DNAI4: variants seen among roughly 807,000 people sequenced by gnomAD.
DNAI4 encodes the protein WD repeat domain 78.
Under a neutral mutation model 105.8 loss-of-function variants are expected in DNAI4, and 85 were observed. The observed-to-expected ratio is 0.80, with a 90% CI of 0.67 to 0.96. DNAI4 has a LOEUF of 0.96. Ranked by LOEUF, DNAI4 falls within the 40% of genes least tolerant of loss-of-function variation. The probability of loss-of-function intolerance (pLI) is 0.00; values close to 1 mark genes in which losing one functional copy is unlikely to be tolerated. For synonymous variants in DNAI4, 352 were observed against 331.5 expected (o/e 1.06, Z -0.67); for missense variants, 1,014 against 1,005.6 (o/e 1.01, Z -0.11).
chr1:66,913,940 C>T (rs1649864399), intron 1 of DNAI4, among the ~76,000 whole-genome samples: 1 of 149,672 alleles, frequency 6.7e-6, no homozygotes, highest in African/African-American at 2.5e-5. Flanking sequence ...GCCTAGGTCG[C>T]GCCACTGCAC....
intron 4 of DNAI4, among the ~76,000 whole-genome samples, chr1:66,888,480 G>A (rs892337458): frequency 4.9e-4 from 74 of 152,272 alleles, no homozygotes; most frequent in African/African-American, 1.7e-3. Context: ...AGATCACGAG[G>A]TCAGCAGTTC....
At chr1:66,872,651 A>T (rs915668374) in intron 5 of DNAI4, among the ~76,000 whole-genome samples, 1 of 152,088 alleles carries the variant, frequency 6.6e-6, no homozygotes, top group Non-Finnish European at 1.5e-5. Context: ...ACGTGTTTTT[A>T]AAAAATATTT....
intron 16 of DNAI4, among the ~76,000 whole-genome samples, chr1:66,816,201 T>C (rs985114421): frequency 2.5e-4 from 38 of 152,006 alleles, no homozygotes; most frequent in African/African-American, 8.9e-4. Flanking sequence ...AAGTAGCAAT[T>C]AGAAAAAGTG....
intron 16 of DNAI4, among the ~76,000 whole-genome samples, chr1:66,814,799 C>T (rs1479512060): frequency 6.6e-6 from 1 of 152,156 alleles, no homozygotes; most frequent in Non-Finnish European, 1.5e-5. Flanking sequence ...GTTAAACTTA[C>T]TGATATCTTA....
At chr1:66,863,761 A>G (rs166562) in intron 6 of DNAI4, among the ~76,000 whole-genome samples, 2,975 of 152,200 alleles carry the variant, frequency 0.02, 71 homozygotes, top group African/African-American at 0.067. Flanking sequence ...CCTGGCCTCA[A>G]TGGTAAGAAT....
chr1:66,847,720 G>T, intron 7 of DNAI4, 42 bp from the exon 8 acceptor site: 1 of 1,413,150 alleles, frequency 7.1e-7, no homozygotes. Context: ...ATATTCAAAT[G>T]GATGGTTCAT....
chr1:66,865,350 G>C (rs547949930), intron 6 of DNAI4, among the ~76,000 whole-genome samples: 1 of 152,236 alleles, frequency 6.6e-6, no homozygotes, highest in South Asian at 2.1e-4. Flanking sequence ...CTTGAACCTG[G>C]GAGGCAGAGG....
chr1:66,885,590 A>G (rs1647177187), intron 4 of DNAI4, among the ~76,000 whole-genome samples: 1 of 152,106 alleles, frequency 6.6e-6, no homozygotes, highest in African/African-American at 2.4e-5. Context: ...GTGATGACTC[A>G]TGCCTATAAT....
rs939045332 is a variant in DNAI4 at position 66,904,922 on chromosome 1, A to G, written c.345+279T>C. On this transcript the variant is annotated intron_variant, in intron 2 of 16. Coordinates refer to ENST00000371026, the MANE Select transcript of DNAI4 (RefSeq NM_024763.5). ...TATATTGCTGACAACAGTGAAAGAT[A>G]GTTGTAATGTATATAATTAATACCA... 91 of 370,644 alleles carry G rather than the reference A, an allele frequency of 2.5e-4. 4 individuals are homozygous for G. The allele number at this position is 370,644 out of a possible 1,614,324, so 23.0% of individuals were successfully genotyped here.
rs763411818 is a variant in DNAI4 at position 66,905,360 on chromosome 1, T to G, written c.186A>C (p.Gln62His). The change falls in exon 2 of 17, where the codon CAA (glutamine) becomes CAC (histidine). Residue 62 changes from glutamine (Q) to histidine (H), a missense_variant. By Grantham distance (24) the Gln-to-His change is conservative. Coordinates refer to ENST00000371026, the MANE Select transcript of DNAI4 (RefSeq NM_024763.5). ...QQNFGLNNAT[Q>H]PKKSISFFAT... ...CAAAAAAGCTAATAGACTTCTTTGG[T>G]TGTGTGGCATTGTTCCTATATAAGA... The G allele has an allele frequency of 3.4e-6, 5 of 1,471,970 alleles. No homozygotes were observed. The African/African-American group carries it at 7.0e-5, about 20-fold the overall frequency. The allele number at this position is 1,471,970 out of a possible 1,614,324, so 91.2% of individuals were successfully genotyped here.
At chr1:66,879,586 T>C (rs995418068) in intron 4 of DNAI4, among the ~76,000 whole-genome samples, 19 of 152,214 alleles carry the variant, frequency 1.2e-4, no homozygotes, top group Non-Finnish European at 2.6e-4. Context: ...AGAGTATGTT[T>C]AGTTTTATGC....
rs113958860 is a variant in DNAI4 at position 66,875,145 on chromosome 1, T to C, written c.644-208A>G. On this transcript the variant is annotated intron_variant, in intron 4 of 16. Coordinates refer to ENST00000371026, the MANE Select transcript of DNAI4 (RefSeq NM_024763.5). ...GCCATAAACAGCCTTCTTGCTGACATAACAAGCCTACCCCAGTCTAATACC... is the reference window on the plus strand; with the variant it reads ...GCCATAAACAGCCTTCTTGCTGACACAACAAGCCTACCCCAGTCTAATACC... 3.3e-3 allele frequency among the ~76,000 whole-genome samples: 507 copies of C among 152,258 alleles called. 5 individuals carry two copies. The highest frequency in any genetic ancestry group is 0.012 in the South Asian group (58 of 4,826).
chr1:66,849,762 T>G (rs1646356456), intron 7 of DNAI4, among the ~76,000 whole-genome samples: 1 of 150,572 alleles, frequency 6.6e-6, no homozygotes, highest in Admixed American at 6.6e-5. Context: ...ATTTTAGGAG[T>G]GAAAAACATA....
chr1:66,848,502 G>T (rs986323757), intron 7 of DNAI4, among the ~76,000 whole-genome samples: 10 of 152,122 alleles, frequency 6.6e-5, no homozygotes. Flanking sequence ...CTATTGTTCT[G>T]CCTACTGCAC....
At chr1:66,898,649 A>T (rs1269033695) in intron 2 of DNAI4, among the ~76,000 whole-genome samples, 1 of 152,200 alleles carries the variant, frequency 6.6e-6, no homozygotes, top group African/African-American at 2.4e-5. Flanking sequence ...GGAGATCCTC[A>T]CCAGATGTGC....
At chr1:66,903,073 G>GA (rs1302897159) in intron 2 of DNAI4, among the ~76,000 whole-genome samples, 1 of 152,094 alleles carries the variant, frequency 6.6e-6, no homozygotes, top group Admixed American at 6.6e-5. Context: ...TTCTACTTCT[G>GA]AAAAAATATC....
In DNAI4 at chr1:66,892,991, A is replaced by AAGAG. The variant is rs1553227520; in HGVS notation, c.530+237_530+238insCTCT. Among the ~76,000 whole-genome samples, 50 of 108,062 alleles carry AAGAG rather than the reference A, an allele frequency of 4.6e-4. 2 individuals carry two copies. The South Asian group carries it at 6.0e-3, about 13-fold the overall frequency. 70.9% of individuals were successfully genotyped at this position (108,062 alleles called of 152,430 possible). On this transcript the variant is annotated intron_variant, in intron 3 of 16. Transcript: ENST00000371026. ...AAAGAAAGAAAGAAAGAAAGAAAGAAAGAAAGAGAGAAAGAGAGAGAGGAA... is the reference window on the plus strand; with the variant it reads ...AAAGAAAGAAAGAAAGAAAGAAAGAAAGAGAGAAAGAGAGAAAGAGAGAGAGGAA...
intron 4 of DNAI4, among the ~76,000 whole-genome samples, chr1:66,875,414 C>T (rs1447498643): frequency 1.3e-5 from 2 of 152,158 alleles, no homozygotes; most frequent in Non-Finnish European, 2.9e-5. Context: ...CTCTAATCAT[C>T]TTCACCAGGG....
chr1:66,822,540 TA>T, intron 15 of DNAI4, 23 bp from the exon 16 acceptor site: 1 of 1,541,458 alleles, frequency 6.5e-7, no homozygotes, highest in Non-Finnish European at 8.7e-7. Flanking sequence ...ATTTTATTTG[TA>T]AATTCAATTG....
Sources: allele counts gnomAD v4.1 joint callset (sites outside exome capture counted in the v4.1 genomes callset), GRCh38; gene constraint gnomAD v4.1.1; transcripts MANE v1.5; gene names NCBI Gene and HGNC (gene_info 2026-07-23, HGNC 2026-07-21).